Variants in ME1 observed in about 807,000 individuals in gnomAD.
ME1 encodes the protein NADP-dependent malic enzyme.
A neutral mutation model predicts 66.4 loss-of-function variants in ME1; 74 were observed. The observed-to-expected ratio is 1.11, with a 90% CI of 0.92 to 1.35. The LOEUF (loss-of-function observed/expected upper bound fraction) is 1.35, where lower values mean the gene tolerates loss of function less well. ME1 is among the 40% of genes most tolerant of loss of function. The probability of loss-of-function intolerance (pLI) is 0.00; values close to 1 mark genes in which losing one functional copy is unlikely to be tolerated. For synonymous variants in ME1, 251 were observed against 235.6 expected (o/e 1.07, Z -0.60); for missense variants, 750 against 694.1 (o/e 1.08, Z -0.90).
intron 3 of ME1, among the ~76,000 whole-genome samples, chr6:83,358,726 C>T (rs1422882704): frequency 1.3e-5 from 2 of 152,136 alleles, no homozygotes; most frequent in Non-Finnish European, 2.9e-5. Flanking sequence ...GGAACAGCTT[C>T]CCCATCTCCA....
chr6:83,295,047 C>A (rs1419737665), intron 6 of ME1, among the ~76,000 whole-genome samples: 3 of 152,186 alleles, frequency 2.0e-5, no homozygotes, highest in Non-Finnish European at 4.4e-5. Context: ...AGCATGGCTG[C>A]AACTGTGGGT....
chr6:83,355,074 C>G (rs1770178578), intron 3 of ME1, among the ~76,000 whole-genome samples: 1 of 152,076 alleles, frequency 6.6e-6, no homozygotes, highest in African/African-American at 2.4e-5. Context: ...TATTTTGTTT[C>G]TCAAAATTGA....
intron 6 of ME1, among the ~76,000 whole-genome samples, chr6:83,278,523 C>T (rs1335815428): frequency 1.3e-5 from 2 of 152,188 alleles, no homozygotes; most frequent in Admixed American, 1.3e-4. Context: ...CTCACTGTAA[C>T]CTAGAACTCC....
chr6:83,364,475 T>G (rs1376491714), intron 3 of ME1, among the ~76,000 whole-genome samples: 1 of 152,184 alleles, frequency 6.6e-6, no homozygotes, highest in East Asian at 1.9e-4. Context: ...CATTCTTACT[T>G]TTTGGTACAT....
chr6:83,309,055 C>T (rs1446019277), intron 6 of ME1, among the ~76,000 whole-genome samples: 1 of 151,996 alleles, frequency 6.6e-6, no homozygotes, highest in Non-Finnish European at 1.5e-5. Context: ...AGGGGGGAAA[C>T]TAGGAGGAGA....
At chr6:83,320,882 A>G (rs1227474698) in intron 5 of ME1, among the ~76,000 whole-genome samples, 1 of 152,214 alleles carries the variant, frequency 6.6e-6, no homozygotes, top group African/African-American at 2.4e-5. Context: ...AAATAGGAAC[A>G]GCTCCGGTCT....
intron 6 of ME1, among the ~76,000 whole-genome samples, chr6:83,276,132 C>T (rs184201638): frequency 6.6e-6 from 1 of 152,028 alleles, no homozygotes; most frequent in Non-Finnish European, 1.5e-5. Flanking sequence ...AACGAAGCAC[C>T]GACTTTTTTG....
intron 3 of ME1, 43 bp downstream of exon 3, chr6:83,398,320 AAAAT>A (rs1250205377): frequency 1.5e-6 from 2 of 1,370,482 alleles, no homozygotes; most frequent in Admixed American, 2.5e-5. Context: ...AAAACTTACA[AAAAT>A]AAATAAAGAC....
chr6:83,349,168 A>G (rs567594188), intron 4 of ME1, among the ~76,000 whole-genome samples: 5 of 151,990 alleles, frequency 3.3e-5, no homozygotes, highest in Non-Finnish European at 5.9e-5. Context: ...GACATTTGAT[A>G]TTTATGCTTT....
chr6:83,351,968 T>A (rs564861988), intron 4 of ME1, 96 bp downstream of exon 4: 6 of 612,560 alleles, frequency 9.8e-6, no homozygotes, highest in Non-Finnish European at 1.4e-5. Context: ...TAATGAATGC[T>A]ACCTATTATC....
chr6:83,421,475 G>A (rs3757009), intron 1 of ME1, among the ~76,000 whole-genome samples: 66,163 of 152,052 alleles, frequency 0.44, 15,574 homozygotes, highest in African/African-American at 0.6. Flanking sequence ...TATAGAATGC[G>A]TTGAGCAGCT....
chr6:83,246,723 T>A (rs1790630914), intron 7 of ME1, among the ~76,000 whole-genome samples: 1 of 152,122 alleles, frequency 6.6e-6, no homozygotes. Context: ...TTCTTCAGGA[T>A]AAATTTGTAC....
At position 83,347,117 on chromosome 6, in the gene ME1, C is replaced by T. The variant is rs185163204; in HGVS notation, c.439-783G>A. Among the ~76,000 whole-genome samples the T allele has an allele frequency of 5.6e-4, 85 of 152,160 alleles. 1 individual carries two copies. The highest frequency in any genetic ancestry group is 1.5e-3 in the African/African-American group (63 of 41,524). On this transcript the variant is annotated intron_variant, in intron 4 of 13. Coordinates refer to ENST00000369705, the MANE Select transcript of ME1 (RefSeq NM_002395.6). ...TACAGGCGCCCGCCACCACGCCCGG[C>T]TAATTTTTGTATTTTTAGTAGAGAC... is the stretch of plus-strand genomic sequence containing the variant.
chr6:83,311,176 A>C (rs1455075715), intron 6 of ME1, among the ~76,000 whole-genome samples: 1 of 152,152 alleles, frequency 6.6e-6, no homozygotes, highest in Non-Finnish European at 1.5e-5. Flanking sequence ...GTTTTATCAC[A>C]ATATAACCTA....
chr6:83,407,716 A>T (rs758179644), intron 2 of ME1, 52 bp downstream of exon 2: 14 of 1,452,056 alleles, frequency 9.6e-6, no homozygotes, highest in Non-Finnish European at 1.2e-5. Context: ...TAAAAAATAA[A>T]CTAGACAACT....
intron 6 of ME1, among the ~76,000 whole-genome samples, chr6:83,265,927 T>C (rs1390868401): frequency 1.3e-5 from 2 of 152,196 alleles, no homozygotes; most frequent in African/African-American, 4.8e-5. Context: ...TGAACTATAA[T>C]TGAATATGAA....
intron 3 of ME1, among the ~76,000 whole-genome samples, chr6:83,362,137 G>A (rs2128546033): frequency 6.6e-6 from 1 of 152,362 alleles, no homozygotes; most frequent in South Asian, 2.1e-4. Flanking sequence ...CCAGTGGGCA[G>A]AACCTCAAGC....
chr6:83,339,876 C>G (rs1437956263), intron 5 of ME1, among the ~76,000 whole-genome samples: 2 of 125,958 alleles, frequency 1.6e-5, no homozygotes, highest in Non-Finnish European at 3.3e-5. Context: ...TGCTAGATGA[C>G]ACGTTAGTGG....
At chr6:83,275,364 A>G in intron 6 of ME1, among the ~76,000 whole-genome samples, 1 of 151,688 alleles carries the variant, frequency 6.6e-6, no homozygotes. Flanking sequence ...AATAATAATA[A>G]TAATAATAAT....
Sources: allele counts gnomAD v4.1 joint callset (sites outside exome capture counted in the v4.1 genomes callset), GRCh38; gene constraint gnomAD v4.1.1; transcripts MANE v1.5; gene names NCBI Gene and HGNC (gene_info 2026-07-23, HGNC 2026-07-21).